Variants in SCARA5 observed in about 807,000 individuals in gnomAD.
SCARA5 encodes scavenger receptor class A member 5.
A neutral mutation model predicts 46.3 loss-of-function variants in SCARA5; 45 were observed. The observed-to-expected ratio is 0.97, with a 90% confidence interval of 0.76 to 1.24. The LOEUF (loss-of-function observed/expected upper bound fraction) is 1.24. Ranked by LOEUF, SCARA5 falls within the 50% of genes most tolerant of loss-of-function variation. The pLI is 0.00. For synonymous variants in SCARA5, 333 were observed against 306.5 expected (o/e 1.09, Z -0.90); for missense variants, 680 against 689.0 (o/e 0.99, Z 0.15).
At chr8:27,956,298 T>C (rs1808205329) in intron 3 of SCARA5, among the ~76,000 whole-genome samples, 1 of 152,174 alleles carries the variant, frequency 6.6e-6, no homozygotes, top group African/African-American at 2.4e-5. Flanking sequence ...AAACCCATAA[T>C]AATATATATG....
intron 7 of SCARA5, 26 bp from the exon 8 acceptor site, chr8:27,879,792 C>A: frequency 6.2e-7 from 1 of 1,610,250 alleles, no homozygotes; most frequent in African/African-American, 1.3e-5. Flanking sequence ...ACTGTCACTA[C>A]CCAGCTCTAG....
chr8:27,904,055 T>G (rs1455986963), intron 7 of SCARA5, among the ~76,000 whole-genome samples: 1 of 152,138 alleles, frequency 6.6e-6, no homozygotes, highest in Non-Finnish European at 1.5e-5. Context: ...AAGTAAACCT[T>G]AGAAGAGTGG....
intron 3 of SCARA5, among the ~76,000 whole-genome samples, chr8:27,950,774 A>C (rs988181026): frequency 1.3e-5 from 2 of 151,862 alleles, no homozygotes; most frequent in Non-Finnish European, 2.9e-5. Flanking sequence ...ATCCAGTGCC[A>C]GCACTTTCCT....
At chr8:27,978,634 C>T (rs1415964696) in intron 2 of SCARA5, among the ~76,000 whole-genome samples, 4 of 152,182 alleles carry the variant, frequency 2.6e-5, no homozygotes, top group South Asian at 2.1e-4. Context: ...CTCAGCCTCC[C>T]GAGTAGCTAG....
At chr8:27,904,856 G>T in intron 6 of SCARA5, 22 bp from the exon 7 acceptor site, 1 of 1,580,246 alleles carries the variant, frequency 6.3e-7, no homozygotes, top group South Asian at 1.1e-5. Flanking sequence ...GAGGAAACTG[G>T]CATTAGAAAT....
chr8:27,968,294 A>G (rs1340907729), intron 2 of SCARA5, among the ~76,000 whole-genome samples: 1 of 152,234 alleles, frequency 6.6e-6, no homozygotes, highest in Non-Finnish European at 1.5e-5. Context: ...ATTACATAAT[A>G]TTTCCATAAG....
intron 7 of SCARA5, among the ~76,000 whole-genome samples, chr8:27,893,824 G>A (rs1807021882): frequency 6.6e-6 from 1 of 152,232 alleles, no homozygotes; most frequent in East Asian, 1.9e-4. Context: ...ATGAGGAACA[G>A]CCTTTTCCTT....
chr8:27,872,019 G>T lies in SCARA5; in HGVS notation c.1403C>A (p.Thr468Asn), dbSNP rs1422417348. ...DDVACKGTEE[T>N]IFRCSFSKWG... Reference sequence around the variant, plus strand: ...TTTGGAGAAGCTGCAGCGGAAGATGGTTTCCTCTGTGCCCTTGCAGGCAAC... The same window carrying T: ...TTTGGAGAAGCTGCAGCGGAAGATGTTTTCCTCTGTGCCCTTGCAGGCAAC... Residue 468 changes from threonine (T) to asparagine (N), a missense_variant, in exon 9 of 9, where the codon ACC (threonine) becomes AAC (asparagine). This residue lies in a region of SCARA5 where 219 missense variants were observed against 269.5 expected (regional missense o/e 0.81). Coordinates refer to ENST00000354914, the MANE Select transcript of SCARA5 (RefSeq NM_173833.6). The T allele has an allele frequency of 1.2e-6, 2 of 1,614,222 alleles. No homozygotes were observed. Among genetic ancestry groups the T allele is most frequent in the East Asian group, 2.2e-5 (1 of 44,894 alleles).
At chr8:27,953,351 A>G (rs1161754366) in intron 3 of SCARA5, among the ~76,000 whole-genome samples, 1 of 152,246 alleles carries the variant, frequency 6.6e-6, no homozygotes, top group Non-Finnish European at 1.5e-5. Flanking sequence ...GAGCAGCCCT[A>G]CATCTCCTGC....
chr8:27,955,790 C>T (rs1005159016), intron 3 of SCARA5, among the ~76,000 whole-genome samples: 1 of 152,172 alleles, frequency 6.6e-6, no homozygotes, highest in Non-Finnish European at 1.5e-5. Context: ...TTACTGGGCT[C>T]CTGTATTTTT....
At chr8:27,961,147 G>A (rs968249736) in intron 3 of SCARA5, among the ~76,000 whole-genome samples, 1 of 152,236 alleles carries the variant, frequency 6.6e-6, no homozygotes, top group Non-Finnish European at 1.5e-5. Flanking sequence ...ACCAATGCCA[G>A]CAATAACAAT....
At chr8:27,986,315 C>T (rs1036966236) in intron 2 of SCARA5, among the ~76,000 whole-genome samples, 9 of 152,222 alleles carry the variant, frequency 5.9e-5, no homozygotes, top group African/African-American at 2.2e-4. Context: ...TTCCAGAAAG[C>T]CCTCTGCTCG....
At chr8:27,980,321 T>C (rs993368447) in intron 2 of SCARA5, among the ~76,000 whole-genome samples, 3 of 152,164 alleles carry the variant, frequency 2.0e-5, no homozygotes, top group Admixed American at 6.5e-5. Flanking sequence ...CCCTGGCCAC[T>C]CATCACCCCC....
chr8:27,930,877 AGAAG>A (rs1265148813), intron 3 of SCARA5, among the ~76,000 whole-genome samples: 2 of 152,176 alleles, frequency 1.3e-5, no homozygotes, highest in African/African-American at 4.8e-5. Context: ...TGACACGGAA[AGAAG>A]GAAGGAAGGT....
intron 4 of SCARA5, among the ~76,000 whole-genome samples, chr8:27,912,773 A>AG (rs1415095852): frequency 6.6e-6 from 1 of 152,206 alleles, no homozygotes; most frequent in African/African-American, 2.4e-5. Flanking sequence ...TGCAACCTGC[A>AG]GGGGGGTCTT....
intron 4 of SCARA5, among the ~76,000 whole-genome samples, chr8:27,921,186 C>G (rs1807577779): frequency 6.6e-6 from 1 of 152,196 alleles, no homozygotes; most frequent in African/African-American, 2.4e-5. Flanking sequence ...CCTCTCTACT[C>G]CCGGCCTGAG....
chr8:27,917,050 C>T (rs1399327795), intron 4 of SCARA5, among the ~76,000 whole-genome samples: 1 of 152,154 alleles, frequency 6.6e-6, no homozygotes, highest in Non-Finnish European at 1.5e-5. Context: ...GAAAGCTGGT[C>T]CCGAACAGGG....
chr8:27,990,030 T>C (rs1808765278), intron 1 of SCARA5, among the ~76,000 whole-genome samples: 1 of 152,252 alleles, frequency 6.6e-6, no homozygotes, highest in Non-Finnish European at 1.5e-5. Context: ...GACAGGGCGC[T>C]GCCCCTGGGG....
chr8:27,888,232 G>C (rs1049470350), intron 7 of SCARA5, among the ~76,000 whole-genome samples: 2 of 152,104 alleles, frequency 1.3e-5, no homozygotes, highest in African/African-American at 4.8e-5. Flanking sequence ...GCTAATGATT[G>C]TGTTTATTCT....
Sources: gnomAD v4.1 joint callset for allele counts (sites outside exome capture counted in the v4.1 genomes callset) on GRCh38, gnomAD v4.1.1 for gene constraint, gnomAD v4.1.1 regional missense constraint, MANE v1.5 for transcripts, NCBI Gene and HGNC (gene_info 2026-07-23, HGNC 2026-07-21) for gene names.